Variants in R3HDM1 observed in about 807,000 individuals in gnomAD.
R3HDM1 encodes the protein R3H domain containing 1.
Under a neutral mutation model 141.1 loss-of-function variants are expected in R3HDM1, and 46 were observed. That is an observed-to-expected ratio of 0.33 (90% CI 0.26 to 0.42). R3HDM1 has a LOEUF of 0.42. Among genes scored for constraint, R3HDM1 ranks in the 10% least tolerant of loss-of-function variants. R3HDM1 has a pLI of 1.00. For missense variants in R3HDM1, 1,184 were observed against 1,368.3 expected, an observed-to-expected ratio of 0.87 and a Z score of 2.12; for synonymous variants, 435 against 472.9, an observed-to-expected ratio of 0.92 and a Z score of 1.04.
At chr2:135,663,311 CA>C (rs1201241338) in intron 19 of R3HDM1, among the ~76,000 whole-genome samples, 1 of 152,128 alleles carries the variant, frequency 6.6e-6, no homozygotes, top group African/African-American at 2.4e-5. Context: ...AATCAGGTTG[CA>C]TCTGGATAGT....
chr2:135,607,920 G>T, intron 3 of R3HDM1: 1 of 983,592 alleles, frequency 1.0e-6, no homozygotes, highest in Non-Finnish European at 1.2e-6. Flanking sequence ...ATAGCATAGC[G>T]ACTGTAACGA....
At chr2:135,613,509 A>G (rs1383869235) in intron 3 of R3HDM1, among the ~76,000 whole-genome samples, 3 of 152,078 alleles carry the variant, frequency 2.0e-5, no homozygotes, top group Non-Finnish European at 4.4e-5. Flanking sequence ...CTTGGCTTGG[A>G]GCTTAGTTAA....
chr2:135,571,777 C>G (rs1233557507), intron 1 of R3HDM1, among the ~76,000 whole-genome samples: 1 of 152,150 alleles, frequency 6.6e-6, no homozygotes, highest in Non-Finnish European at 1.5e-5. Context: ...CAGGCACACT[C>G]TACCATACTG....
intron 1 of R3HDM1, among the ~76,000 whole-genome samples, chr2:135,567,733 G>T (rs1005395365): frequency 6.6e-6 from 1 of 151,484 alleles, no homozygotes. Context: ...TACCTTTGTT[G>T]TTTTTTTATT....
chr2:135,613,010 T>C (rs772952405), intron 3 of R3HDM1, among the ~76,000 whole-genome samples: 1 of 152,262 alleles, frequency 6.6e-6, no homozygotes, highest in African/African-American at 2.4e-5. Flanking sequence ...AATGCCACTT[T>C]AGCAATTTAT....
At position 135,649,924 on chromosome 2, in the gene R3HDM1, C is replaced by G. The variant is rs1256770538; in HGVS notation, c.1646C>G (p.Ser549Cys). 7.7e-7 allele frequency: 1 copy of G among 1,291,082 alleles called. No homozygotes were observed. Among genetic ancestry groups the G allele is most frequent in the East Asian group, 5.7e-5 (1 of 17,664 alleles). 80.0% of individuals were successfully genotyped at this position (1,291,082 alleles called of 1,614,324 possible). A position where few individuals can be genotyped will look rare whatever the true frequency, so the allele number is the denominator to read the frequency against. Residue 549 changes from serine to cysteine, a missense_variant, in exon 17 of 27, where the codon TCT becomes TGT. Ser to Cys is a moderately radical substitution (Grantham distance 112). This residue lies in a region of R3HDM1 where 563 missense variants were observed against 562.0 expected (regional missense o/e 1.00). Coordinates refer to ENST00000683871, the MANE Select transcript of R3HDM1 (RefSeq NM_001378107.1). ...FSQPVHPLQS[S>C]SQPVQYSTAP... ...TAGCCTGTTCATCCTCTGCAGTCCT[C>G]TTCACAGCCTGTTCAGTACTCTACA... is the stretch of plus-strand genomic sequence containing the variant.
intron 23 of R3HDM1, among the ~76,000 whole-genome samples, chr2:135,714,835 G>C (rs763547930): frequency 6.6e-6 from 1 of 151,626 alleles, no homozygotes; most frequent in Non-Finnish European, 1.5e-5. Flanking sequence ...GGGAAATCTG[G>C]GAATTCTTTT....
Position 135,577,474 on chromosome 2 carries a change from A to T in R3HDM1, c.-249-25026A>T, listed in dbSNP as rs570325545. Among the ~76,000 whole-genome samples the T allele has an allele frequency of 2.0e-4, 30 of 151,492 alleles. No homozygotes were observed. In the South Asian group the frequency reaches 5.4e-3, roughly 27 times the overall value. On this transcript the variant is annotated intron_variant, in intron 1 of 26. Transcript: ENST00000683871. Reference sequence around the variant, plus strand: ...CACCAAAGGACCAAAGACCTGATAGAAAAAATGGGGAAAAGACATAAATGG... The same window carrying T: ...CACCAAAGGACCAAAGACCTGATAGTAAAAATGGGGAAAAGACATAAATGG...
At chr2:135,695,647 A>G (rs2073130111) in intron 21 of R3HDM1, among the ~76,000 whole-genome samples, 1 of 151,840 alleles carries the variant, frequency 6.6e-6, no homozygotes, top group Admixed American at 6.6e-5. Flanking sequence ...AGAGGAACAC[A>G]GTTAAGAATG....
chr2:135,623,672 TC>T (rs2061712329), intron 7 of R3HDM1, among the ~76,000 whole-genome samples: 1 of 152,194 alleles, frequency 6.6e-6, no homozygotes, highest in African/African-American at 2.4e-5. Flanking sequence ...TCAAGTTTAT[TC>T]CTCAGTAGTC....
intron 19 of R3HDM1, among the ~76,000 whole-genome samples, chr2:135,674,768 C>T (rs988941147): frequency 1.3e-5 from 2 of 151,930 alleles, no homozygotes; most frequent in African/African-American, 4.8e-5. Flanking sequence ...TACAGTATAA[C>T]TCCATTTGCC....
At chr2:135,649,397 C>T (rs1279109721) in intron 16 of R3HDM1, 1 of 151,896 alleles carries the variant, frequency 6.6e-6, no homozygotes, top group African/African-American at 2.4e-5. Flanking sequence ...GGCTTTGGTC[C>T]CAAAAGACTG....
intron 11 of R3HDM1, 26 bp downstream of exon 11, chr2:135,636,209 C>T: frequency 6.2e-7 from 1 of 1,604,024 alleles, no homozygotes; most frequent in Non-Finnish European, 8.5e-7. Context: ...CTTAGGTCTT[C>T]ATGTTAGAGT....
chr2:135,587,525 T>C (rs1196021672), intron 1 of R3HDM1, among the ~76,000 whole-genome samples: 5 of 152,162 alleles, frequency 3.3e-5, no homozygotes, highest in Admixed American at 2.6e-4. Context: ...TGTAAGTAAT[T>C]AGGGTCATGA....
chr2:135,667,310 A>G lies in R3HDM1; in HGVS notation c.2152+5917A>G, dbSNP rs141411695. The G allele has an allele frequency of 1.7e-4, 134 of 809,914 alleles. 1 individual carries two copies. The highest frequency in any genetic ancestry group is 1.9e-4 in the Non-Finnish European group (128 of 670,430). The allele number at this position is 809,914 out of a possible 1,614,324, so 50.2% of individuals were successfully genotyped here. The stretch of plus-strand genomic sequence containing the variant: ...CTAGTTCTCTTAGCTTGCAGAATTG[A>G]TTGTGCTTTCCTCTGAAAGTGCTGA... On this transcript the variant is annotated intron_variant, in intron 19 of 26. Transcript: ENST00000683871.
At chr2:135,556,594 C>T (rs1156494157) in intron 1 of R3HDM1, among the ~76,000 whole-genome samples, 1 of 151,496 alleles carries the variant, frequency 6.6e-6, no homozygotes, top group African/African-American at 2.4e-5. Flanking sequence ...TCTTGGCTCA[C>T]TACAAGCCCT....
At position 135,709,202 on chromosome 2, in the gene R3HDM1, T is replaced by C. The variant is rs548557073; in HGVS notation, c.2460-231T>C. On this transcript the variant is annotated intron_variant, in intron 21 of 26. Transcript: ENST00000683871. ...CATTCTCCTGCCTCAGCCTCCTGAA[T>C]AGCTGGGACTACAGGCACCTGCCAC... Among the ~76,000 whole-genome samples the C allele has an allele frequency of 1.4e-3, 217 of 152,176 alleles. 1 individual carries two copies. The highest frequency in any genetic ancestry group is 4.8e-3 in the African/African-American group (201 of 41,552).
intron 26 of R3HDM1, among the ~76,000 whole-genome samples, chr2:135,723,284 G>A (rs2076872752): frequency 6.6e-6 from 1 of 151,540 alleles, no homozygotes; most frequent in African/African-American, 2.4e-5. Context: ...AGCACGCCCA[G>A]CTAATTTTTT....
At chr2:135,596,704 A>G (rs1313228936) in intron 1 of R3HDM1, among the ~76,000 whole-genome samples, 4 of 152,168 alleles carry the variant, frequency 2.6e-5, no homozygotes, top group Non-Finnish European at 5.9e-5. Context: ...ATTTGTACCT[A>G]TAGTTTTAGT....
Sources: gnomAD v4.1 joint callset for allele counts (sites outside exome capture counted in the v4.1 genomes callset) on GRCh38, gnomAD v4.1.1 for gene constraint, gnomAD v4.1.1 regional missense constraint, MANE v1.5 for transcripts, NCBI Gene and HGNC (gene_info 2026-07-23, HGNC 2026-07-21) for gene names.